ACTR3C: variants seen among roughly 807,000 people sequenced by gnomAD.
ACTR3C encodes actin-related protein 3C.
In ACTR3C, 18 loss-of-function variants were observed where a neutral mutation model predicts 26.3. The observed-to-expected ratio is 0.68, with a 90% CI of 0.47 to 1.01. The LOEUF (loss-of-function observed/expected upper bound fraction) is 1.01. ACTR3C is among the 50% of genes least tolerant of loss of function. The pLI, the probability that ACTR3C is intolerant of heterozygous loss-of-function variation, is 0.00. For missense variants in ACTR3C, 184 were observed against 250.7 expected (o/e 0.73, Z 1.80); for synonymous variants, 55 against 94.5 (o/e 0.58, Z 2.42).
chr7:150,212,279 T>TAA, the ACTR3C span, among the ~76,000 whole-genome samples: 1 of 144,860 alleles, frequency 6.9e-6, no homozygotes, highest in African/African-American at 2.9e-5. Context: ...GCTTTTGACT[T>TAA]AAAAAAAATC....
chr7:150,267,373 T>C (rs956129290), intron 6 of ACTR3C, among the ~76,000 whole-genome samples: 14 of 152,226 alleles, frequency 9.2e-5, no homozygotes, highest in Admixed American at 7.8e-4. Context: ...AGAAGTATGA[T>C]GAAATCTCGA....
chr7:150,065,112 A>G, the ACTR3C span, among the ~76,000 whole-genome samples: 4 of 152,104 alleles, frequency 2.6e-5, no homozygotes, highest in East Asian at 7.7e-4. Context: ...GATTTCCTGC[A>G]TCAGAAGCTG....
At chr7:150,101,217 C>T in the ACTR3C span, among the ~76,000 whole-genome samples, 9 of 151,638 alleles carry the variant, frequency 5.9e-5, no homozygotes, top group African/African-American at 2.2e-4. Flanking sequence ...AAAAGTTACT[C>T]AGTGCCCATA....
the ACTR3C span, among the ~76,000 whole-genome samples, chr7:150,035,847 C>A: frequency 2.4e-4 from 32 of 132,328 alleles, 4 homozygotes; most frequent in South Asian, 6.6e-3. Flanking sequence ...TGCCTCTCCC[C>A]CCCTGCGATG....
the ACTR3C span, among the ~76,000 whole-genome samples, chr7:150,116,244 T>C: frequency 6.6e-6 from 1 of 152,206 alleles, no homozygotes; most frequent in Non-Finnish European, 1.5e-5. Context: ...TGCATAGGAT[T>C]CATTTTTTAT....
At chr7:150,170,170 G>C in the ACTR3C span, among the ~76,000 whole-genome samples, 1 of 149,890 alleles carries the variant, frequency 6.7e-6, no homozygotes, top group Non-Finnish European at 1.5e-5. Context: ...CAGATCCCAG[G>C]CCCTTGGCAG....
At chr7:150,016,443 G>A in the ACTR3C span, among the ~76,000 whole-genome samples, 2 of 152,002 alleles carry the variant, frequency 1.3e-5, no homozygotes, top group Non-Finnish European at 2.9e-5. Context: ...CTTCCCATTA[G>A]AGCCCTAATG....
chr7:150,044,148 C>G, the ACTR3C span, among the ~76,000 whole-genome samples: 220 of 152,136 alleles, frequency 1.4e-3, no homozygotes, highest in Middle Eastern at 0.01. Flanking sequence ...AAAACTACTG[C>G]TCTAATGGTA....
At chr7:150,049,058 G>C in the ACTR3C span, among the ~76,000 whole-genome samples, 1 of 152,048 alleles carries the variant, frequency 6.6e-6, no homozygotes, top group East Asian at 2.0e-4. Flanking sequence ...TGCCCGCCGA[G>C]AGCGAGGGAG....
the ACTR3C span, among the ~76,000 whole-genome samples, chr7:150,047,122 G>A: frequency 2.6e-5 from 4 of 151,800 alleles, no homozygotes; most frequent in Non-Finnish European, 5.9e-5. Context: ...AGGCATTTGA[G>A]TCAAGGGACA....
At chr7:150,183,377 A>G in the ACTR3C span, among the ~76,000 whole-genome samples, 1 of 149,300 alleles carries the variant, frequency 6.7e-6, no homozygotes, top group East Asian at 1.9e-4. Context: ...GTCTACTTCG[A>G]TAAACATCAA....
chr7:149,918,138 C>A, the ACTR3C span, among the ~76,000 whole-genome samples: 4 of 151,732 alleles, frequency 2.6e-5, no homozygotes, highest in Admixed American at 6.6e-5. Flanking sequence ...CTTTGCCCGT[C>A]CTTAAATTTT....
At chr7:150,027,297 G>C in the ACTR3C span, among the ~76,000 whole-genome samples, 4 of 151,922 alleles carry the variant, frequency 2.6e-5, no homozygotes, top group Non-Finnish European at 5.9e-5. Context: ...TTGAGACGGA[G>C]TCTCGCTCTA....
At chr7:149,949,516 T>C in the ACTR3C span, among the ~76,000 whole-genome samples, 154 of 147,876 alleles carry the variant, frequency 1.0e-3, 25 homozygotes, top group African/African-American at 3.9e-3. Flanking sequence ...CATTGAGACT[T>C]TTGCCTTTAG....
the ACTR3C span, among the ~76,000 whole-genome samples, chr7:150,055,141 T>C: frequency 6.6e-6 from 1 of 152,156 alleles, no homozygotes; most frequent in Non-Finnish European, 1.5e-5. Flanking sequence ...TTTCAAAGAG[T>C]TGTTTCTGGA....
the ACTR3C span, among the ~76,000 whole-genome samples, chr7:150,167,581 G>A: frequency 6.6e-6 from 1 of 150,810 alleles, no homozygotes; most frequent in Non-Finnish European, 1.5e-5. Flanking sequence ...CATTTTTGCA[G>A]AACTAAGCTT....
the ACTR3C span, among the ~76,000 whole-genome samples, chr7:149,933,439 T>G: frequency 1.3e-5 from 2 of 152,102 alleles, no homozygotes; most frequent in Non-Finnish European, 2.9e-5. Context: ...GCTAAAAATA[T>G]TTTTCAGAAC....
intron 6 of ACTR3C, among the ~76,000 whole-genome samples, chr7:150,284,468 C>G (rs888329208): frequency 6.6e-6 from 1 of 152,156 alleles, no homozygotes; most frequent in Non-Finnish European, 1.5e-5. Context: ...ATTGCTTGAA[C>G]CCAGGAGGCG....
the ACTR3C span, among the ~76,000 whole-genome samples, chr7:150,238,867 C>A: frequency 6.9e-6 from 1 of 145,754 alleles, no homozygotes; most frequent in Non-Finnish European, 1.5e-5. Flanking sequence ...TATGCATGTG[C>A]TTTTTGAATT....
Sources: allele counts gnomAD v4.1 joint callset (sites outside exome capture counted in the v4.1 genomes callset), GRCh38; gene constraint gnomAD v4.1.1; transcripts MANE v1.5; gene names NCBI Gene and HGNC (gene_info 2026-07-23, HGNC 2026-07-21).